Variants in SAFB observed in about 807,000 individuals in gnomAD.
SAFB encodes the protein scaffold attachment factor B, also known as scaffold attachment factor B1.
In SAFB, 15 loss-of-function variants were observed where a neutral mutation model predicts 101.6. The ratio of observed to expected loss-of-function variants is 0.15; its 90% CI spans 0.10 to 0.23. The LOEUF is 0.23. Among genes scored for constraint, SAFB ranks in the 10% least tolerant of loss-of-function variants. The pLI, the probability that SAFB is intolerant of heterozygous loss-of-function variation, is 1.00. For synonymous variants in SAFB, 449 were observed against 407.5 expected (o/e 1.10, Z -1.23); for missense variants, 930 against 1,104.1 (o/e 0.84, Z 2.23).
At chr19:5,654,513 G>A (rs1323012024) in intron 13 of SAFB, 57 bp downstream of exon 13, 4 of 1,030,952 alleles carry the variant, frequency 3.9e-6, no homozygotes, top group Non-Finnish European at 4.6e-6. Context: ...TTGTATTTCT[G>A]TGTGCGTCTT....
At chr19:5,663,735 G>C (rs2054267534) in intron 15 of SAFB, among the ~76,000 whole-genome samples, 1 of 152,176 alleles carries the variant, frequency 6.6e-6, no homozygotes, top group African/African-American at 2.4e-5. Flanking sequence ...TGGCTGTGTA[G>C]GGCTCCAGAA....
In SAFB at chr19:5,661,798, G is replaced by C; in HGVS notation, c.2143G>C (p.Asp715His). ...ERRPAVRRPY[D>H]LDRRDDAYWP... ...GCGGCCCGCGGTGCGGCGGCCCTAC[G>C]ACCTGGACCGGTAAGCAGATCCATG... Residue 715 changes from aspartate (D) to histidine (H), a missense_variant, in exon 15 of 21, where the codon GAC becomes CAC. Transcript: ENST00000588852. The C allele has an allele frequency of 6.5e-7, 1 of 1,545,580 alleles. No individual in the cohort carries two copies. The highest frequency in any genetic ancestry group is 2.0e-5 in the Admixed American group (1 of 51,050).
At chr19:5,642,070 C>CAGTT in intron 4 of SAFB, 124 bp downstream of exon 4, 1 of 790,330 alleles carries the variant, frequency 1.3e-6, no homozygotes, top group Non-Finnish European at 2.2e-6. Context: ...GAATAAGGGT[C>CAGTT]AGTTGGTTCA....
At chr19:5,660,236 C>T (rs1171909542) in intron 14 of SAFB, among the ~76,000 whole-genome samples, 1 of 148,768 alleles carries the variant, frequency 6.7e-6, no homozygotes, top group East Asian at 2.1e-4. Flanking sequence ...CTCCTGTACA[C>T]TTTAAATCAC....
intron 5 of SAFB, among the ~76,000 whole-genome samples, chr19:5,647,230 A>G (rs1385515092): frequency 6.6e-6 from 1 of 152,200 alleles, no homozygotes; most frequent in African/African-American, 2.4e-5. Flanking sequence ...AGGAGATGCC[A>G]CTGAGCTGGA....
At chr19:5,640,357 G>GTT (rs2053679786) in intron 2 of SAFB, among the ~76,000 whole-genome samples, 2 of 127,270 alleles carry the variant, frequency 1.6e-5, no homozygotes, top group African/African-American at 3.3e-5. Context: ...AGAAAGATTG[G>GTT]CTTTTTTTTT....
intron 6 of SAFB, chr19:5,648,336 T>A: frequency 2.4e-6 from 1 of 408,526 alleles, no homozygotes; most frequent in Non-Finnish European, 4.3e-6. Context: ...GAGTTCCAGA[T>A]GCCTCTCTTG....
At chr19:5,629,995 T>C (rs1035791007) in intron 2 of SAFB, among the ~76,000 whole-genome samples, 1 of 152,158 alleles carries the variant, frequency 6.6e-6, no homozygotes, top group African/African-American at 2.4e-5. Flanking sequence ...TGAGCCAAGA[T>C]AGTGCCACTG....
intron 9 of SAFB, 64 bp from the exon 10 acceptor site, chr19:5,653,051 C>G: frequency 6.4e-7 from 1 of 1,565,156 alleles, no homozygotes; most frequent in Non-Finnish European, 8.8e-7. Context: ...GTGGGGTGTT[C>G]ATATCCCCAT....
In SAFB at chr19:5,664,454, A is replaced by G. The variant is rs746291997; in HGVS notation, c.2334+15A>G. ...GAGAAGGACAGGTAAGTCTGAAGCT[A>G]CAGTGGTAGCCACAGAATTTCCCAT... On this transcript the variant is annotated intron_variant, in intron 17 of 20. Coordinates refer to ENST00000588852, the MANE Select transcript of SAFB (RefSeq NM_001201338.2). 4.4e-6 allele frequency: 7 copies of G among 1,605,906 alleles called. No homozygotes were observed. The highest frequency in any genetic ancestry group is 1.3e-5 in the African/African-American group (1 of 74,788).
At position 5,649,388 on chromosome 19, in the gene SAFB, A is replaced by G. The variant is rs575165090; in HGVS notation, c.1037A>G (p.Glu346Gly). The G allele has an allele frequency of 1.3e-4, 57 of 435,328 alleles. No homozygotes were observed. The African/African-American group carries it at 2.8e-3, about 22-fold the overall frequency. The allele number at this position is 435,328 out of a possible 1,614,324, so 27.0% of individuals were successfully genotyped here. A position where few individuals can be genotyped will look rare whatever the true frequency, so the allele number is the denominator to read the frequency against. Reference sequence around the variant, plus strand: ...GCACCCACGGAAGCCCCAAGCCCAGAAGCCAGAGATAGCAAAGAAGACGGG... The same window carrying G: ...GCACCCACGGAAGCCCCAAGCCCAGGAGCCAGAGATAGCAAAGAAGACGGG... ...AEAPTEAPSP[E>G]ARDSKEDGRK... is the part of the protein sequence containing the mutation. Residue 346 changes from glutamate (E) to glycine (G), a missense_variant, in exon 7 of 21, where the codon GAA becomes GGA. Glu to Gly is a moderately conservative substitution (Grantham distance 98). Transcript: ENST00000588852.
At position 5,667,952 on chromosome 19, in the gene SAFB, TTAACAACCAAGTCCTTCCAGC is replaced by T; in HGVS notation, c.2624+69_2624+89del. 1 of 1,503,252 alleles carries T rather than the reference TTAACAACCAAGTCCTTCCAGC, an allele frequency of 6.7e-7. No homozygotes were observed. The highest frequency in any genetic ancestry group is 9.0e-7 in the Non-Finnish European group (1 of 1,109,430). The allele number at this position is 1,503,252 out of a possible 1,614,324, so 93.1% of individuals were successfully genotyped here. The stretch of plus-strand genomic sequence containing the variant: ...CATATTGGCCTACCTTGCTGGAGGC[TTAACAACCAAGTCCTTCCAGC>T]TAGTGCCCCTCCCCCCAAGGGTGAC... On this transcript the variant is annotated intron_variant, in intron 20 of 20. Transcript: ENST00000588852. The surrounding 1 kb of genome is among the most constrained non-coding windows in gnomAD (Gnocchi z 4.0).
intron 14 of SAFB, among the ~76,000 whole-genome samples, chr19:5,659,166 G>A (rs1395854930): frequency 5.3e-5 from 8 of 151,508 alleles, no homozygotes; most frequent in Non-Finnish European, 1.5e-5. Context: ...TCAGCTGGGC[G>A]TGGTAGTGCA....
chr19:5,664,270 G>C lies in SAFB; in HGVS notation c.2291+111G>C, dbSNP rs2054281394. On this transcript the variant is annotated intron_variant, in intron 16 of 20. Coordinates refer to ENST00000588852, the MANE Select transcript of SAFB (RefSeq NM_001201338.2). ...CCACTCCGTTCATCAGATGTATGCTGAGTCAGACCCGCAGGTCTCCTGCCT... is the reference window on the plus strand; with the variant it reads ...CCACTCCGTTCATCAGATGTATGCTCAGTCAGACCCGCAGGTCTCCTGCCT... The C allele has an allele frequency of 2.1e-6, 3 of 1,435,112 alleles. No individual in the cohort carries two copies. In the East Asian group the frequency reaches 6.9e-5, roughly 33 times the overall value. 88.9% of individuals were successfully genotyped at this position (1,435,112 alleles called of 1,614,324 possible).
At position 5,663,964 on chromosome 19, in the gene SAFB, G is replaced by A. The variant is rs368301693; in HGVS notation, c.2154-58G>A. ...GTGCTAGGGGCCAGCTCCCACAAAG[G>A]TGATAGATACATTTGGGGTGGGGGA... On this transcript the variant is annotated intron_variant, in intron 15 of 20. Transcript: ENST00000588852. 3.8e-6 allele frequency: 6 copies of A among 1,578,068 alleles called. No individual in the cohort carries two copies. The East Asian group carries it at 9.0e-5, about 24-fold the overall frequency.
At chr19:5,645,179 G>A (rs1285444766) in intron 4 of SAFB, among the ~76,000 whole-genome samples, 158 bp from the exon 5 acceptor site, 1 of 151,810 alleles carries the variant, frequency 6.6e-6, no homozygotes. Flanking sequence ...TTTCAGTTTA[G>A]CTGCAATTAT....
In SAFB at chr19:5,653,423, AC is replaced by A; in HGVS notation, c.1526+7del. The A allele has an allele frequency of 6.2e-7, 1 of 1,613,162 alleles. No individual in the cohort carries two copies. Among genetic ancestry groups the A allele is most frequent in the Non-Finnish European group, 8.5e-7 (1 of 1,179,418 alleles). ...GAGAAGTCGAGCAACAGTGACAGGTACCCCTCCTTCCTGGCTAAATTAAAGG... is the reference window on the plus strand; with the variant it reads ...GAGAAGTCGAGCAACAGTGACAGGTACCCTCCTTCCTGGCTAAATTAAAGG... On this transcript the variant is annotated splice_donor_region_variant and intron_variant, in intron 11 of 20. Transcript: ENST00000588852.
At chr19:5,623,594 C>T (rs2053248628) in intron 1 of SAFB, among the ~76,000 whole-genome samples, 200 bp downstream of exon 1, 4 of 152,132 alleles carry the variant, frequency 2.6e-5, no homozygotes, top group Admixed American at 2.6e-4. Flanking sequence ...CCTAACGCCG[C>T]AATGGGGCCA....
intron 8 of SAFB, 51 bp from the exon 9 acceptor site, chr19:5,650,924 GACT>G: frequency 8.9e-7 from 1 of 1,126,910 alleles, no homozygotes. Context: ...TTGTCTCTAA[GACT>G]CAAGATCTTG....
Sources: gnomAD v4.1 joint callset for allele counts (sites outside exome capture counted in the v4.1 genomes callset) on GRCh38, gnomAD v4.1.1 for gene constraint, Gnocchi (gnomAD v3.1) non-coding constraint, MANE v1.5 for transcripts, NCBI Gene and HGNC (gene_info 2026-07-23, HGNC 2026-07-21) for gene names.